The following ARHGAP26 variants were observed in gnomAD, a reference collection of about 807,000 sequenced individuals.
ARHGAP26 encodes the protein rho GTPase-activating protein 26.
ARHGAP26 carries 38 observed loss-of-function variants against 104.8 expected under a neutral mutation model. The ratio of observed to expected loss-of-function variants is 0.36; its 90% CI spans 0.28 to 0.48. The LOEUF is 0.48. Among genes scored for constraint, ARHGAP26 ranks in the 20% least tolerant of loss-of-function variants. The pLI, the probability that ARHGAP26 is intolerant of heterozygous loss-of-function variation, is 0.99. For missense variants in ARHGAP26, 704 were observed against 947.9 expected (o/e 0.74, Z 3.38); for synonymous variants, 341 against 340.0 (o/e 1.00, Z -0.03).
At chr5:142,997,345 A>G (rs1409053852) in intron 11 of ARHGAP26, among the ~76,000 whole-genome samples, 1 of 152,174 alleles carries the variant, frequency 6.6e-6, no homozygotes, top group African/African-American at 2.4e-5. Flanking sequence ...GGTGTTGCAC[A>G]GGCCCTACTC....
chr5:143,071,215 A>G (rs948971496), intron 17 of ARHGAP26, among the ~76,000 whole-genome samples: 1 of 152,202 alleles, frequency 6.6e-6, no homozygotes, highest in Admixed American at 6.5e-5. Flanking sequence ...ACACTACCTG[A>G]CCTCAAAATA....
intron 20 of ARHGAP26, among the ~76,000 whole-genome samples, chr5:143,149,322 C>G (rs369185941): frequency 6.6e-6 from 1 of 152,060 alleles, no homozygotes; most frequent in African/African-American, 2.4e-5. Flanking sequence ...TGATTGATAC[C>G]TTTGGGTCTT....
intron 1 of ARHGAP26, among the ~76,000 whole-genome samples, chr5:142,812,369 T>G (rs1764257628): frequency 6.6e-6 from 1 of 151,760 alleles, no homozygotes; most frequent in Non-Finnish European, 1.5e-5. Context: ...TCTTCCTCTT[T>G]TTTTTTTTTG....
chr5:142,783,097 T>C (rs565047210), intron 1 of ARHGAP26, among the ~76,000 whole-genome samples: 2 of 152,338 alleles, frequency 1.3e-5, no homozygotes, highest in African/African-American at 4.8e-5. Context: ...AGATTCTGCA[T>C]AAATCTGGTC....
At chr5:142,964,829 G>A (rs906733558) in intron 11 of ARHGAP26, among the ~76,000 whole-genome samples, 3 of 152,190 alleles carry the variant, frequency 2.0e-5, no homozygotes, top group Non-Finnish European at 2.9e-5. Context: ...ACGAGAGAGT[G>A]TAGAAATAAA....
intron 1 of ARHGAP26, among the ~76,000 whole-genome samples, chr5:142,840,879 C>T (rs898404490): frequency 2.6e-5 from 4 of 152,108 alleles, no homozygotes; most frequent in African/African-American, 4.8e-5. Context: ...GGTTCAGTAG[C>T]GGTAATGTAA....
intron 4 of ARHGAP26, among the ~76,000 whole-genome samples, chr5:142,884,783 C>G (rs1757479235): frequency 6.6e-6 from 1 of 152,178 alleles, no homozygotes; most frequent in African/African-American, 2.4e-5. Context: ...GCTTAAAGAC[C>G]TGCATGTGAT....
rs551671554 is a variant in ARHGAP26, at chr5:143,125,668, A to G, written c.1698+4521A>G. On this transcript the variant is annotated intron_variant, in intron 18 of 22. Transcript: ENST00000645722. ...TTTTCTTTTTCCATGTTGGTAATAC[A>G]TACTGATTGTTTACTCAATTAAAAT... Among the ~76,000 whole-genome samples, 8 of 152,356 alleles carry G rather than the reference A, an allele frequency of 5.3e-5. No individual in the cohort carries two copies. The South Asian group carries it at 6.2e-4, about 12-fold the overall frequency.
chr5:142,837,109 C>T (rs909713375), intron 1 of ARHGAP26, among the ~76,000 whole-genome samples: 3 of 152,230 alleles, frequency 2.0e-5, no homozygotes, highest in African/African-American at 7.2e-5. Flanking sequence ...ACTCTTTCTT[C>T]ACCTTATCCT....
chr5:143,164,957 T>C (rs575975290), intron 20 of ARHGAP26: 2 of 152,358 alleles, frequency 1.3e-5, no homozygotes, highest in East Asian at 1.9e-4. Context: ...TGTGATTTCA[T>C]GTAGAACCCT....
chr5:142,839,349 A>G (rs1241743821), intron 1 of ARHGAP26, among the ~76,000 whole-genome samples: 1 of 152,016 alleles, frequency 6.6e-6, no homozygotes, highest in Non-Finnish European at 1.5e-5. Flanking sequence ...TTTAATTGTT[A>G]TAACAATCCT....
At chr5:143,174,654 C>T (rs559333180) in intron 20 of ARHGAP26, among the ~76,000 whole-genome samples, 7 of 152,086 alleles carry the variant, frequency 4.6e-5, no homozygotes, top group Non-Finnish European at 1.0e-4. Flanking sequence ...CAAGTTGAAA[C>T]ATATTCATAT....
chr5:142,997,066 A>G lies in ARHGAP26; in HGVS notation c.1108-17014A>G, dbSNP rs1279374018. 2.6e-5 allele frequency among the ~76,000 whole-genome samples: 4 copies of G among 152,154 alleles called. No individual in the cohort carries two copies. The East Asian group carries it at 7.7e-4, about 29-fold the overall frequency. ...TTGTAGCACAAAAACAGCTATGGACAAGTAAGTGAATGAGCATAGCTGTTT... is the reference window on the plus strand; with the variant it reads ...TTGTAGCACAAAAACAGCTATGGACGAGTAAGTGAATGAGCATAGCTGTTT... On this transcript the variant is annotated intron_variant, in intron 11 of 22. Coordinates refer to ENST00000645722, the MANE Select transcript of ARHGAP26 (RefSeq NM_001135608.3).
intron 1 of ARHGAP26, among the ~76,000 whole-genome samples, chr5:142,783,944 C>T (rs1196573376): frequency 6.6e-6 from 1 of 152,246 alleles, no homozygotes; most frequent in East Asian, 1.9e-4. Flanking sequence ...ATCAGCCACA[C>T]CACCCCTGCT....
chr5:143,041,722 G>GAAAA (rs34295120), intron 13 of ARHGAP26, 94 bp from the exon 14 acceptor site: 674 of 642,346 alleles, frequency 1.0e-3, no homozygotes, highest in South Asian at 2.6e-3. Flanking sequence ...CTGAGAAAAT[G>GAAAA]AAAAAAAAAA....
rs555790934 is a variant in ARHGAP26, at chr5:142,897,959, G to T, written c.597+3611G>T. ...GGAGTGGGTATTCATATTTGAGTTG[G>T]TTACAGTCAAGGGAATCTTCCAGTC... On this transcript the variant is annotated intron_variant, in intron 6 of 22. Transcript: ENST00000645722. Among the ~76,000 whole-genome samples the T allele has an allele frequency of 1.1e-4, 17 of 152,238 alleles. No individual in the cohort carries two copies. In the South Asian group the frequency reaches 3.5e-3, roughly 32 times the overall value.
At chr5:142,771,387 C>T in intron 1 of ARHGAP26, 4 of 1,232,028 alleles carry the variant, frequency 3.2e-6, no homozygotes, top group Non-Finnish European at 4.0e-6. Flanking sequence ...TGGGTTGTGA[C>T]TGCTTCGCTC....
intron 11 of ARHGAP26, among the ~76,000 whole-genome samples, chr5:142,999,069 A>T (rs1462984635): frequency 6.6e-6 from 1 of 152,352 alleles, no homozygotes; most frequent in East Asian, 1.9e-4. Flanking sequence ...ATTAAAAATT[A>T]TAGGGACTAA....
At chr5:142,985,791 A>G (rs1774625419) in intron 11 of ARHGAP26, among the ~76,000 whole-genome samples, 1 of 151,952 alleles carries the variant, frequency 6.6e-6, no homozygotes, top group Non-Finnish European at 1.5e-5. Flanking sequence ...TTTGCTGAGA[A>G]TGATTGTTTC....
Sources: allele counts gnomAD v4.1 joint callset (sites outside exome capture counted in the v4.1 genomes callset), GRCh38; gene constraint gnomAD v4.1.1; transcripts MANE v1.5; gene names NCBI Gene and HGNC (gene_info 2026-07-23, HGNC 2026-07-21).